Variants in HECTD4 observed in about 807,000 individuals in gnomAD.
HECTD4 encodes probable E3 ubiquitin-protein ligase HECTD4.
A neutral mutation model predicts 471.5 loss-of-function variants in HECTD4; 114 were observed. The ratio of observed to expected loss-of-function variants is 0.24; its 90% CI spans 0.21 to 0.28. The LOEUF (loss-of-function observed/expected upper bound fraction) is 0.28, where lower values mean the gene tolerates loss of function less well. Ranked by LOEUF, HECTD4 falls within the 10% of genes least tolerant of loss-of-function variation. The pLI is 1.00. For missense variants in HECTD4, 3,866 were observed against 5,651.5 expected, an observed-to-expected ratio of 0.68 and a Z score of 10.13; for synonymous variants, 2,012 against 2,256.0, an observed-to-expected ratio of 0.89 and a Z score of 3.07.
chr12:112,374,046 A>T (rs2036733920), intron 1 of HECTD4, among the ~76,000 whole-genome samples: 1 of 150,806 alleles, frequency 6.6e-6, no homozygotes, highest in South Asian at 2.1e-4. Context: ...TTCTGAAGGT[A>T]TGGAATTTGG....
At position 112,381,980 on chromosome 12, in the gene HECTD4, G is replaced by C; in HGVS notation, c.149C>G (p.Ala50Gly). Residue 50 changes from alanine (A) to glycine (G), a missense_variant, in exon 1 of 76, where the codon GCC becomes GGC. This residue lies in a region of HECTD4 where 440 missense variants were observed against 636.0 expected (regional missense o/e 0.69). Coordinates refer to ENST00000682272, the MANE Select transcript of HECTD4 (RefSeq NM_001388303.1). This position sits in a 1 kb window ranked among gnomAD's most constrained non-coding sequence, Gnocchi z 4.1. Reference sequence around the variant, plus strand: ...CAGGTCGGTGTCCGCGGCCTCTGGGGCCCCGAGGATCTCGCTGGGCAGCTC... The same window carrying C: ...CAGGTCGGTGTCCGCGGCCTCTGGGCCCCCGAGGATCTCGCTGGGCAGCTC... ...LAELPSEILG[A>G]PEAADTDLEI... The C allele has an allele frequency of 8.2e-7, 1 of 1,224,872 alleles. No individual in the cohort carries two copies. Among genetic ancestry groups the C allele is most frequent in the South Asian group, 4.1e-5 (1 of 24,282 alleles). The allele number at this position is 1,224,872 out of a possible 1,614,324, so 75.9% of individuals were successfully genotyped here.
intron 1 of HECTD4, among the ~76,000 whole-genome samples, chr12:112,367,188 G>C (rs572266157): frequency 6.6e-6 from 1 of 151,424 alleles, no homozygotes; most frequent in South Asian, 2.1e-4. Context: ...TGTAATCCCA[G>C]TTTCTTGGGA....
intron 67 of HECTD4, 60 bp from the exon 68 acceptor site, chr12:112,171,323 A>G: frequency 6.5e-7 from 1 of 1,545,142 alleles, no homozygotes; most frequent in Non-Finnish European, 8.7e-7. Context: ...TGCCTGACTC[A>G]CAGGCAACAC....
chr12:112,309,162 G>T (rs1210822316), intron 5 of HECTD4, among the ~76,000 whole-genome samples: 1 of 152,206 alleles, frequency 6.6e-6, no homozygotes, highest in Non-Finnish European at 1.5e-5. Context: ...TCTTTTGGCA[G>T]CAGTTTATAG....
intron 66 of HECTD4, among the ~76,000 whole-genome samples, chr12:112,174,337 T>C (rs945320613): frequency 2.7e-5 from 4 of 149,742 alleles, no homozygotes; most frequent in African/African-American, 9.9e-5. Context: ...CAGTCTTGGC[T>C]CACTGCAACC....
chr12:112,349,553 G>A (rs1213651150), intron 1 of HECTD4, among the ~76,000 whole-genome samples: 1 of 152,082 alleles, frequency 6.6e-6, no homozygotes, highest in Non-Finnish European at 1.5e-5. Context: ...GATAAGGCAT[G>A]CTCCTGGGGA....
intron 13 of HECTD4, among the ~76,000 whole-genome samples, chr12:112,268,591 A>G (rs890840563): frequency 1.3e-5 from 2 of 151,932 alleles, no homozygotes; most frequent in Non-Finnish European, 1.5e-5. Flanking sequence ...CCCCATCTCT[A>G]CTAAAAATAC....
At chr12:112,270,916 A>C (rs2034399547) in intron 11 of HECTD4, among the ~76,000 whole-genome samples, 4 of 152,172 alleles carry the variant, frequency 2.6e-5, no homozygotes, top group Non-Finnish European at 4.4e-5. Flanking sequence ...TCTGCTCCAT[A>C]TTAGAACTCC....
intron 25 of HECTD4, 157 bp downstream of exon 25, chr12:112,249,987 G>A (rs2033844507): frequency 3.1e-6 from 2 of 639,912 alleles, no homozygotes; most frequent in Non-Finnish European, 5.4e-6. Context: ...CTGGAATACT[G>A]CCTGGTGGGC....
In HECTD4 at chr12:112,239,371, A is replaced by C; in HGVS notation, c.5106-135T>G. The C allele has an allele frequency of 1.6e-6, 1 of 632,038 alleles. No homozygotes were observed. The highest frequency in any genetic ancestry group is 4.5e-4 in the Middle Eastern group (1 of 2,226). 39.2% of individuals were successfully genotyped at this position (632,038 alleles called of 1,614,324 possible). On this transcript the variant is annotated intron_variant, in intron 33 of 75. Transcript: ENST00000682272. This position sits in a 1 kb window ranked among gnomAD's most constrained non-coding sequence, Gnocchi z 4.9. ...ACAACTTAGGATACTGCCATGTGCA[A>C]TCAAACACAAAATGATTTTCTGATA...
At chr12:112,281,204 T>C (rs1325765308) in intron 8 of HECTD4, among the ~76,000 whole-genome samples, 1 of 151,980 alleles carries the variant, frequency 6.6e-6, no homozygotes. Context: ...CACATAAAAG[T>C]ACGATGATTG....
At chr12:112,221,173 A>G (rs1439324436) in intron 44 of HECTD4, among the ~76,000 whole-genome samples, 1 of 152,132 alleles carries the variant, frequency 6.6e-6, no homozygotes, top group Non-Finnish European at 1.5e-5. Context: ...GCATATAAAA[A>G]TTACAATTAA....
chr12:112,214,136 A>G (rs913773733), intron 48 of HECTD4, among the ~76,000 whole-genome samples: 2 of 152,220 alleles, frequency 1.3e-5, no homozygotes, highest in African/African-American at 4.8e-5. Context: ...CATTTAAGGC[A>G]TTTTGCAAAA....
intron 1 of HECTD4, among the ~76,000 whole-genome samples, chr12:112,375,239 T>C (rs1245227795): frequency 6.6e-6 from 1 of 152,242 alleles, no homozygotes; most frequent in African/African-American, 2.4e-5. Flanking sequence ...TTCGTTTTTG[T>C]TGCTGAGTAA....
intron 1 of HECTD4, among the ~76,000 whole-genome samples, chr12:112,340,758 CCT>C (rs1351006794): frequency 6.6e-6 from 1 of 151,992 alleles, no homozygotes; most frequent in African/African-American, 2.4e-5. Context: ...ATAGAAAGCC[CCT>C]GTTTGCAAAA....
intron 64 of HECTD4, among the ~76,000 whole-genome samples, chr12:112,178,544 C>T (rs940361251): frequency 6.6e-6 from 1 of 152,206 alleles, no homozygotes; most frequent in African/African-American, 2.4e-5. Context: ...AGGGCCCAGA[C>T]ACCCACCGGG....
chr12:112,375,689 T>C (rs2036762817), intron 1 of HECTD4, among the ~76,000 whole-genome samples: 2 of 152,194 alleles, frequency 1.3e-5, no homozygotes, highest in Admixed American at 1.3e-4. Context: ...TGAAATGCAA[T>C]GCAAAATGCA....
intron 5 of HECTD4, 94 bp downstream of exon 5, chr12:112,309,467 G>T: frequency 1.7e-6 from 1 of 592,358 alleles, no homozygotes; most frequent in Non-Finnish European, 2.9e-6. Context: ...TAGTCTATGG[G>T]GAGCTGGAAT....
chr12:112,381,690 C>A lies in HECTD4; in HGVS notation c.177+262G>T, dbSNP rs2036893543. On this transcript the variant is annotated intron_variant, in intron 1 of 75. Coordinates refer to ENST00000682272, the MANE Select transcript of HECTD4 (RefSeq NM_001388303.1). The surrounding 1 kb of genome is among the most constrained non-coding windows in gnomAD (Gnocchi z 4.1). ...AGCCAGGCGCTAGCCTAATAAAATG[C>A]CGGGTGTCGGAACGCTCAAAAGAAA... Among the ~76,000 whole-genome samples, 1 of 152,112 alleles carries A rather than the reference C, an allele frequency of 6.6e-6. No individual in the cohort carries two copies. The highest frequency in any genetic ancestry group is 1.5e-5 in the Non-Finnish European group (1 of 68,008).
Sources: gnomAD v4.1 joint callset for allele counts (sites outside exome capture counted in the v4.1 genomes callset) on GRCh38, gnomAD v4.1.1 for gene constraint, gnomAD v4.1.1 regional missense constraint, Gnocchi (gnomAD v3.1) non-coding constraint, MANE v1.5 for transcripts, NCBI Gene and HGNC (gene_info 2026-07-23, HGNC 2026-07-21) for gene names.